ETV4: variants seen among roughly 807,000 people sequenced by gnomAD.
The protein encoded by ETV4 is ETS translocation variant 4.
A neutral mutation model predicts 65.9 loss-of-function variants in ETV4; 42 were observed. The ratio of observed to expected loss-of-function variants is 0.64; its 90% CI spans 0.50 to 0.82. The LOEUF is 0.82. ETV4 is among the 40% of genes least tolerant of loss of function. ETV4 has a pLI of 0.00. For synonymous variants in ETV4, 238 were observed against 260.0 expected (o/e 0.92, Z 0.81); for missense variants, 583 against 630.3 (o/e 0.92, Z 0.80).
At chr17:43,537,479 A>G (rs1971305165) in intron 4 of ETV4, among the ~76,000 whole-genome samples, 1 of 147,286 alleles carries the variant, frequency 6.8e-6, no homozygotes, top group Admixed American at 6.7e-5. Flanking sequence ...GGATCACTTG[A>G]GATCAGGAGT....
chr17:43,544,903 T>G (rs1227139708), intron 4 of ETV4, 72 bp downstream of exon 4: 47 of 1,411,064 alleles, frequency 3.3e-5, no homozygotes, highest in Non-Finnish European at 3.8e-5. Context: ...GGGCTTAGGG[T>G]GGAATACCAG....
At chr17:43,532,989 C>T (rs774479271) in intron 7 of ETV4, 50 bp from the exon 8 acceptor site, 2 of 1,525,152 alleles carry the variant, frequency 1.3e-6, no homozygotes, top group Non-Finnish European at 1.8e-6. Flanking sequence ...TAAATTAATC[C>T]TTCCTCGAGC....
chr17:43,538,054 T>C (rs1031402894), intron 4 of ETV4, among the ~76,000 whole-genome samples: 1 of 148,072 alleles, frequency 6.8e-6, no homozygotes, highest in East Asian at 2.0e-4. Context: ...GGCAAGAGAA[T>C]GGCGTGAACC....
chr17:43,544,872 G>T, intron 4 of ETV4, 103 bp downstream of exon 4: 1 of 1,116,586 alleles, frequency 9.0e-7, no homozygotes. Context: ...CTTGAGGCAG[G>T]GAAGGGAGAG....
Position 43,532,906 on chromosome 17 carries a change from G to A in ETV4, c.579C>T (p.His193=), listed in dbSNP as rs1194611496. 1 of 1,594,066 alleles carries A rather than the reference G, an allele frequency of 6.3e-7. No homozygotes were observed. The highest frequency in any genetic ancestry group is 2.2e-5 in the East Asian group (1 of 44,630). ...SVFQQPLDIC[H]SFTSQGGGRE... ...GGCCCCCTCCCTGAGATGTGAAGGA[G>A]TGGCAAATGTCCAGGGGCTGCTGGA... Residue 193 remains histidine, a synonymous_variant, in exon 8 of 13, where the codon CAC becomes CAT. Transcript: ENST00000319349.
rs1409798162 is a variant in ETV4, at chr17:43,544,969, A to G, written c.202+6T>C. On this transcript the variant is annotated splice_donor_region_variant and intron_variant, in intron 4 of 12. Coordinates refer to ENST00000319349, the MANE Select transcript of ETV4 (RefSeq NM_001079675.5). ...CCAAAATAGAAAAGGTCACAAAACT[A>G]CTCACCTTCAGCGAGCCACGTCTCC... 3.1e-6 allele frequency: 5 copies of G among 1,613,376 alleles called. No individual in the cohort carries two copies. Among genetic ancestry groups the G allele is most frequent in the African/African-American group, 2.7e-5 (2 of 74,736 alleles).
intron 11 of ETV4, 26 bp downstream of exon 11, chr17:43,529,478 G>GGTTCTCCCACCTCCA: frequency 1.3e-6 from 2 of 1,590,046 alleles, no homozygotes; most frequent in African/African-American, 1.3e-5. Flanking sequence ...TTGGAAAGGA[G>GGTTCTCCCACCTCCA]GGCTGGGAAC....
rs1476756552 is a variant in ETV4 at position 43,533,318 on chromosome 17, G to C, written c.414C>G (p.Ile138Met). Residue 138 changes from isoleucine (I) to methionine (M), a missense_variant, in exon 7 of 13, where the codon ATC becomes ATG. Physicochemically the swap from Ile to Met is conservative, Grantham distance 10. Coordinates refer to ENST00000319349, the MANE Select transcript of ETV4 (RefSeq NM_001079675.5). ...CAAGGGCACCAGGGGCAGGGGACTTGATGGCGATTTGTCTGGGGGGGTCAT... is the reference window on the plus strand; with the variant it reads ...CAAGGGCACCAGGGGCAGGGGACTTCATGGCGATTTGTCTGGGGGGGTCAT... ...SAYDPPRQIA[I>M]KSPAPGALGQ... is the part of the protein sequence containing the mutation. The C allele has an allele frequency of 1.9e-6, 3 of 1,613,864 alleles. No individual in the cohort carries two copies. Among genetic ancestry groups the C allele is most frequent in the Middle Eastern group, 1.7e-4 (1 of 6,060 alleles).
chr17:43,532,822 G>A lies in ETV4; in HGVS notation c.663C>T (p.Pro221=). ...GGTATTCTTGCTTAAAGCTCTGCTG[G>A]GGATAGGGTGGGCAGGGCTCCGACA... ...HQLSEPCPPY[P]QQSFKQEYHD... The change falls in exon 8 of 13, where the codon CCC becomes CCT. Residue 221 remains proline (P), a synonymous_variant. Coordinates refer to ENST00000319349, the MANE Select transcript of ETV4 (RefSeq NM_001079675.5). 5 of 1,614,040 alleles carry A rather than the reference G, an allele frequency of 3.1e-6. No homozygotes were observed. The South Asian group carries it at 5.5e-5, about 18-fold the overall frequency.
In ETV4 at chr17:43,533,331, C is replaced by G. The variant is rs1567710070; in HGVS notation, c.401G>C (p.Arg134Thr). Reference protein sequence around the residue: ...CLYSSAYDPPRQIAIKSPAPG... With the variant: ...CLYSSAYDPPTQIAIKSPAPG... ...GGCAGGGGACTTGATGGCGATTTGTCTGGGGGGGTCATAGGCACTGGAGTT... is the reference window on the plus strand; with the variant it reads ...GGCAGGGGACTTGATGGCGATTTGTGTGGGGGGGTCATAGGCACTGGAGTT... Residue 134 changes from arginine (R) to threonine (T), a missense_variant, in exon 7 of 13, where the codon AGA becomes ACA. Transcript: ENST00000319349. 1 of 1,613,400 alleles carries G rather than the reference C, an allele frequency of 6.2e-7. No homozygotes were observed. Among genetic ancestry groups the G allele is most frequent in the Non-Finnish European group, 8.5e-7 (1 of 1,179,560 alleles).
intron 5 of ETV4, 32 bp downstream of exon 5, chr17:43,536,394 C>T: frequency 6.2e-7 from 1 of 1,601,550 alleles, no homozygotes; most frequent in Non-Finnish European, 8.6e-7. Context: ...TCCTCCACTC[C>T]CTATACCCTC....
intron 8 of ETV4, among the ~76,000 whole-genome samples, chr17:43,530,609 CGTGT>C (rs58803566): frequency 2.0e-4 from 24 of 119,070 alleles, no homozygotes; most frequent in African/African-American, 3.6e-4. Flanking sequence ...TGCACGCGCG[CGTGT>C]GTGTGTGTGT....
chr17:43,533,130 C>T lies in ETV4; in HGVS notation c.545+57G>A, dbSNP rs909184697. The T allele has an allele frequency of 1.9e-5, 31 of 1,592,430 alleles. No individual in the cohort carries two copies. In the Admixed American group the frequency reaches 4.8e-4, roughly 24 times the overall value. ...ACAGCTCAAGTCTTTATGGAGAACA[C>T]TCAGGAATTGAAAAAACACCTGGGC... On this transcript the variant is annotated intron_variant, in intron 7 of 12. Coordinates refer to ENST00000319349, the MANE Select transcript of ETV4 (RefSeq NM_001079675.5).
intron 3 of ETV4, 37 bp downstream of exon 3, chr17:43,545,228 TGTGTGTGGC>T: frequency 8.6e-7 from 1 of 1,163,510 alleles, no homozygotes; most frequent in African/African-American, 1.5e-5. Context: ...TGTGTGTGTG[TGTGTGTGGC>T]GGAGGAGGGT....
Position 43,534,001 on chromosome 17 carries a change from G to A in ETV4, c.257-16C>T, listed in dbSNP as rs777324438. 2.0e-6 allele frequency: 3 copies of A among 1,515,566 alleles called. No homozygotes were observed. Among genetic ancestry groups the A allele is most frequent in the Non-Finnish European group, 2.6e-6 (3 of 1,145,132 alleles). The allele number at this position is 1,515,566 out of a possible 1,614,324, so 93.9% of individuals were successfully genotyped here. On this transcript the variant is annotated splice_polypyrimidine_tract_variant and intron_variant, in intron 5 of 12. Coordinates refer to ENST00000319349, the MANE Select transcript of ETV4 (RefSeq NM_001079675.5). ...TGGAAAGCTACTGTGGGGGTGGAGGGGACAGAGCAAGGCCAGAGCCTGTCA... is the reference window on the plus strand; with the variant it reads ...TGGAAAGCTACTGTGGGGGTGGAGGAGACAGAGCAAGGCCAGAGCCTGTCA...
At chr17:43,531,567 G>C (rs924332810) in intron 8 of ETV4, among the ~76,000 whole-genome samples, 9 of 152,196 alleles carry the variant, frequency 5.9e-5, no homozygotes, top group Non-Finnish European at 1.3e-4. Context: ...AGCTGGGCAT[G>C]GTGATGGGCA....
chr17:43,528,437 A>G lies in ETV4; in HGVS notation c.*82T>C. Reference sequence around the variant, plus strand: ...CCCCAGAGACATCTGTGGGTTTCAGATGAAGGTTTCCCCAACACCAGATTC... The same window carrying G: ...CCCCAGAGACATCTGTGGGTTTCAGGTGAAGGTTTCCCCAACACCAGATTC... On this transcript the variant is annotated 3_prime_UTR_variant, in exon 13 of 13. Coordinates refer to ENST00000319349, the MANE Select transcript of ETV4 (RefSeq NM_001079675.5). The G allele has an allele frequency of 2.0e-6, 2 of 977,690 alleles. No individual in the cohort carries two copies. 60.6% of individuals were successfully genotyped at this position (977,690 alleles called of 1,614,324 possible).
At chr17:43,533,714 G>A (rs1971085746) in intron 6 of ETV4, 145 bp downstream of exon 6, 2 of 1,031,418 alleles carry the variant, frequency 1.9e-6, no homozygotes, top group Admixed American at 2.8e-5. Flanking sequence ...GAAATCCTTA[G>A]CTGTATTGCT....
In ETV4 at chr17:43,545,291, G is replaced by C. The variant is rs780316290; in HGVS notation, c.137C>G (p.Pro46Arg). 1 of 1,609,012 alleles carries C rather than the reference G, an allele frequency of 6.2e-7. No individual in the cohort carries two copies. The highest frequency in any genetic ancestry group is 8.5e-7 in the Non-Finnish European group (1 of 1,177,662). ...CTCTTTACCTTCAGAGTCGAGGGGC[G>C]GCAGGGAGCCCGGGTCCATGAGCTT... ...LGKLMDPGSL[P>R]PLDSEDLFQD... Residue 46 changes from proline (P) to arginine (R), a missense_variant, in exon 3 of 13, where the codon CCG becomes CGG. Coordinates refer to ENST00000319349, the MANE Select transcript of ETV4 (RefSeq NM_001079675.5).
Sources: allele counts gnomAD v4.1 joint callset (sites outside exome capture counted in the v4.1 genomes callset), GRCh38; gene constraint gnomAD v4.1.1; transcripts MANE v1.5; gene names NCBI Gene and HGNC (gene_info 2026-07-23, HGNC 2026-07-21).